The following HIKESHI variants were observed in gnomAD, a reference collection of about 807,000 sequenced individuals.
HIKESHI encodes heat shock protein nuclear import factor hikeshi, also known as protein Hikeshi.
A neutral mutation model predicts 25.7 loss-of-function variants in HIKESHI; 13 were observed. The ratio of observed to expected loss-of-function variants is 0.51; its 90% CI spans 0.33 to 0.80. The LOEUF is 0.80. HIKESHI is among the 30% of genes least tolerant of loss of function. The pLI, the probability that HIKESHI is intolerant of heterozygous loss-of-function variation, is 0.02. For synonymous variants in HIKESHI, 76 were observed against 78.7 expected, an observed-to-expected ratio of 0.97 and a Z score of 0.18; for missense variants, 174 against 229.5, an observed-to-expected ratio of 0.76 and a Z score of 1.56.
chr11:86,312,100 G>A (rs1344742313), intron 2 of HIKESHI, among the ~76,000 whole-genome samples: 30 of 152,068 alleles, frequency 2.0e-4, no homozygotes, highest in Non-Finnish European at 3.8e-4. Flanking sequence ...GCTGAGTTAA[G>A]TTCCTGGATA....
chr11:86,332,569 C>T (rs566685037), intron 2 of HIKESHI, among the ~76,000 whole-genome samples: 2 of 152,136 alleles, frequency 1.3e-5, no homozygotes, highest in East Asian at 3.9e-4. Context: ...TCTTACTTTA[C>T]CTATATATTG....
chr11:86,311,667 G>C (rs978939248), intron 2 of HIKESHI, among the ~76,000 whole-genome samples: 4 of 152,158 alleles, frequency 2.6e-5, no homozygotes, highest in Admixed American at 2.6e-4. Context: ...GTCAATTGTA[G>C]ATCTTTCCTG....
intron 2 of HIKESHI, among the ~76,000 whole-genome samples, chr11:86,328,256 ATTTCT>A (rs777025100): frequency 3.3e-5 from 5 of 150,814 alleles, no homozygotes; most frequent in Admixed American, 6.6e-5. Context: ...CAACATTTAC[ATTTCT>A]TTTCTTTTTT....
At chr11:86,345,554 G>A (rs1237416882) in intron 4 of HIKESHI, 30 bp from the exon 5 acceptor site, 7 of 1,329,828 alleles carry the variant, frequency 5.3e-6, no homozygotes, top group African/African-American at 1.5e-5. Flanking sequence ...ATTTTCTTGT[G>A]AATGTAAATA....
intron 1 of HIKESHI, among the ~76,000 whole-genome samples, chr11:86,306,038 A>G (rs1946614163): frequency 6.6e-6 from 1 of 152,080 alleles, no homozygotes; most frequent in African/African-American, 2.4e-5. Context: ...AGCCGCTGTG[A>G]TCTGCCCGAG....
At chr11:86,326,800 C>T in intron 2 of HIKESHI, 1 of 271,812 alleles carries the variant, frequency 3.7e-6, no homozygotes, top group Non-Finnish European at 7.4e-6. Flanking sequence ...TTAAGGGTGG[C>T]ATGATAGGTT....
chr11:86,321,534 C>T (rs1947145994), intron 2 of HIKESHI, among the ~76,000 whole-genome samples: 2 of 145,408 alleles, frequency 1.4e-5, no homozygotes, highest in South Asian at 4.4e-4. Flanking sequence ...TTTTGTTTTA[C>T]ATTTTTTTTT....
intron 2 of HIKESHI, among the ~76,000 whole-genome samples, chr11:86,328,237 A>T (rs7110770): frequency 6.6e-6 from 1 of 151,916 alleles, no homozygotes; most frequent in Non-Finnish European, 1.5e-5. Context: ...AGTAAATTTA[A>T]GGAGAAAACA....
chr11:86,312,211 C>T (rs1946853912), intron 2 of HIKESHI, among the ~76,000 whole-genome samples: 1 of 152,112 alleles, frequency 6.6e-6, no homozygotes, highest in Non-Finnish European at 1.5e-5. Context: ...CTTTGTAGGT[C>T]TCTAAGGGCT....
At chr11:86,345,246 C>A in intron 4 of HIKESHI, 1 of 478,590 alleles carries the variant, frequency 2.1e-6, no homozygotes, top group Non-Finnish European at 2.9e-6. Context: ...GCAAATTTCT[C>A]TCATCTGCTC....
intron 2 of HIKESHI, among the ~76,000 whole-genome samples, chr11:86,312,947 C>G (rs957128041): frequency 6.6e-6 from 1 of 152,186 alleles, no homozygotes; most frequent in Non-Finnish European, 1.5e-5. Context: ...AGATGGGCTT[C>G]CCTTTGTGGG....
intron 2 of HIKESHI, among the ~76,000 whole-genome samples, chr11:86,334,236 ATGTGTGTGTGTGTG>A (rs60951435): frequency 1.4e-4 from 21 of 147,004 alleles, no homozygotes; most frequent in South Asian, 4.3e-4. Flanking sequence ...TTTGTAAAAT[ATGTGTGTGTGTGTG>A]TGTGTGTGTG....
chr11:86,343,702 AG>A (rs1247736014), intron 3 of HIKESHI: 1 of 152,234 alleles, frequency 6.6e-6, no homozygotes, highest in Non-Finnish European at 1.5e-5. Flanking sequence ...CCTTCGCAGC[AG>A]AGTCTCTTGG....
intron 3 of HIKESHI, among the ~76,000 whole-genome samples, chr11:86,339,752 T>A (rs1161054680): frequency 1.3e-5 from 2 of 152,228 alleles, no homozygotes; most frequent in African/African-American, 4.8e-5. Flanking sequence ...TCAAATAGTT[T>A]TTTTTTATTA....
Position 86,340,040 on chromosome 11 carries a change from G to A in HIKESHI, c.420+2510G>A, listed in dbSNP as rs187987726. The stretch of plus-strand genomic sequence containing the variant: ...CTTGTGATAGTTTGCTCAGAATGAT[G>A]GTTTCCAGCTTCATCCATGTCCCTG... On this transcript the variant is annotated intron_variant, in intron 3 of 4. Transcript: ENST00000278483. 6.4e-3 allele frequency among the ~76,000 whole-genome samples: 972 copies of A among 152,112 alleles called. 12 individuals carry two copies. The highest frequency in any genetic ancestry group is 0.022 in the African/African-American group (893 of 41,480).
chr11:86,338,679 A>T (rs1947637284), intron 3 of HIKESHI, among the ~76,000 whole-genome samples: 1 of 152,230 alleles, frequency 6.6e-6, no homozygotes, highest in African/African-American at 2.4e-5. Context: ...ATGTAAAGGT[A>T]GATTTGTCAC....
In HIKESHI at chr11:86,306,492, A is replaced by T; in HGVS notation, c.268+10A>T. 1 of 1,503,272 alleles carries T rather than the reference A, an allele frequency of 6.7e-7. No individual in the cohort carries two copies. Among genetic ancestry groups the T allele is most frequent in the Non-Finnish European group, 9.2e-7 (1 of 1,087,922 alleles). 93.1% of individuals were successfully genotyped at this position (1,503,272 alleles called of 1,614,324 possible). ...TCAGGTCTTAAATCTGGTAAGAATA[A>T]TATATTAAAGTAGTTTTATAATTAA... is the stretch of plus-strand genomic sequence containing the variant. On this transcript the variant is annotated intron_variant, in intron 2 of 4. Coordinates refer to ENST00000278483, the MANE Select transcript of HIKESHI (RefSeq NM_016401.4).
chr11:86,341,620 C>T (rs1947733546), intron 3 of HIKESHI, among the ~76,000 whole-genome samples: 2 of 151,928 alleles, frequency 1.3e-5, no homozygotes, highest in Middle Eastern at 3.4e-3. Context: ...GCTGGGACTA[C>T]AGGCAAGCAT....
chr11:86,335,695 G>A (rs1206427108), intron 2 of HIKESHI, among the ~76,000 whole-genome samples: 1 of 152,116 alleles, frequency 6.6e-6, no homozygotes, highest in African/African-American at 2.4e-5. Flanking sequence ...ACTAACTAAT[G>A]GAACAGAGAC....
Sources: allele counts gnomAD v4.1 joint callset (sites outside exome capture counted in the v4.1 genomes callset), GRCh38; gene constraint gnomAD v4.1.1; transcripts MANE v1.5; gene names NCBI Gene and HGNC (gene_info 2026-07-23, HGNC 2026-07-21).